GDF3: variants seen among roughly 807,000 people sequenced by gnomAD.
The protein encoded by GDF3 is growth differentiation factor 3.
GDF3 carries 10 observed loss-of-function variants against 10.2 expected under a neutral mutation model. The ratio of observed to expected loss-of-function variants is 0.98; its 90% CI spans 0.60 to 1.66. The LOEUF is 1.66. Among genes scored for constraint, GDF3 ranks in the 40% most tolerant of loss-of-function variants. GDF3 has a pLI of 0.00. For synonymous variants in GDF3, 166 were observed against 178.5 expected (o/e 0.93, Z 0.56); for missense variants, 450 against 438.3 (o/e 1.03, Z -0.24).
intron 1 of GDF3, among the ~76,000 whole-genome samples, chr12:7,693,999 G>A (rs1864157831): frequency 6.6e-6 from 1 of 152,082 alleles, no homozygotes; most frequent in African/African-American, 2.4e-5. Flanking sequence ...AAGAAGAAAA[G>A]CCTGAAGTAC....
In GDF3 at chr12:7,689,841, C is replaced by A. The variant is rs769148436; in HGVS notation, c.*37G>T. The stretch of plus-strand genomic sequence containing the variant: ...ATAGGTAGTTTTATTAAAAGATTTA[C>A]CCTAAGAACACTCCTTCTATTCCCA... On this transcript the variant is annotated 3_prime_UTR_variant, in exon 2 of 2. Transcript: ENST00000329913. 20 of 1,327,586 alleles carry A rather than the reference C, an allele frequency of 1.5e-5. No homozygotes were observed. The Middle Eastern group carries it at 3.0e-3, about 202-fold the overall frequency. The allele number at this position is 1,327,586 out of a possible 1,614,324, so 82.2% of individuals were successfully genotyped here.
At chr12:7,695,313 C>T in intron 1 of GDF3, 148 bp downstream of exon 1, 1 of 822,122 alleles carries the variant, frequency 1.2e-6, no homozygotes, top group Non-Finnish European at 2.0e-6. Flanking sequence ...ATCTAACTTC[C>T]TCTCAGGATC....
chr12:7,694,326 G>A (rs966843441), intron 1 of GDF3, among the ~76,000 whole-genome samples: 1 of 152,100 alleles, frequency 6.6e-6, no homozygotes, highest in African/African-American at 2.4e-5. Flanking sequence ...AGTTTGGGAG[G>A]CTGAGGCAGG....
At chr12:7,690,850 A>G in intron 1 of GDF3, 146 bp from the exon 2 acceptor site, 2 of 636,804 alleles carry the variant, frequency 3.1e-6, no homozygotes, top group Admixed American at 5.6e-5. Flanking sequence ...TTGTTTCTCT[A>G]TTCCTGAAAG....
intron 1 of GDF3, among the ~76,000 whole-genome samples, chr12:7,694,958 A>G (rs1864166617): frequency 6.6e-6 from 1 of 152,138 alleles, no homozygotes; most frequent in South Asian, 2.1e-4. Flanking sequence ...ATTGCTCTCT[A>G]TTCACAAATC....
intron 1 of GDF3, among the ~76,000 whole-genome samples, chr12:7,693,361 C>T (rs1864151105): frequency 1.4e-5 from 2 of 147,588 alleles, no homozygotes; most frequent in African/African-American, 5.0e-5. Context: ...CCCGCCACCA[C>T]ACCTGGCTAA....
chr12:7,690,047 T>G lies in GDF3; in HGVS notation c.926A>C (p.Asn309Thr). The change falls in exon 2 of 2, where the codon AAT becomes ACT. Residue 309 changes from asparagine to threonine, a missense_variant. Coordinates refer to ENST00000329913, the MANE Select transcript of GDF3 (RefSeq NM_020634.3). ...FSLTISLNSS[N>T]YAFMQALMHA... is the part of the protein sequence containing the mutation. Reference sequence around the variant, plus strand: ...CATCAGGGCTTGCATGAAAGCATAATTGGAGCTGTTGAGAGAGATGGTCAG... The same window carrying G: ...CATCAGGGCTTGCATGAAAGCATAAGTGGAGCTGTTGAGAGAGATGGTCAG... The G allele has an allele frequency of 6.2e-7, 1 of 1,614,090 alleles. No homozygotes were observed. The highest frequency in any genetic ancestry group is 8.5e-7 in the Non-Finnish European group (1 of 1,180,012).
Position 7,690,525 on chromosome 12 carries a change from C to T in GDF3, c.448G>A (p.Val150Ile), listed in dbSNP as rs745503994. 6 of 1,611,730 alleles carry T rather than the reference C, an allele frequency of 3.7e-6. No individual in the cohort carries two copies. The Admixed American group carries it at 8.4e-5, about 22-fold the overall frequency. The change falls in exon 2 of 2, where the codon GTT (valine) becomes ATT (isoleucine). Residue 150 changes from valine (V) to isoleucine (I), a missense_variant. Physicochemically the swap from Val to Ile is conservative, Grantham distance 29. Transcript: ENST00000329913. Reference protein sequence around the residue: ...GPELELALFLVQEPHVWGQTT... With the variant: ...GPELELALFLIQEPHVWGQTT... ...TGGCCCCACACATGAGGCTCCTGAACCAGGAACAGAGCCAGTTCCAGCTCT... is the reference window on the plus strand; with the variant it reads ...TGGCCCCACACATGAGGCTCCTGAATCAGGAACAGAGCCAGTTCCAGCTCT...
At chr12:7,694,312 C>G (rs903259763) in intron 1 of GDF3, among the ~76,000 whole-genome samples, 4 of 152,082 alleles carry the variant, frequency 2.6e-5, no homozygotes, top group African/African-American at 9.7e-5. Flanking sequence ...CCTGTAATCC[C>G]AGCAGTTTGG....
intron 1 of GDF3, 36 bp downstream of exon 1, chr12:7,695,425 C>T (rs1864172328): frequency 1.3e-6 from 2 of 1,597,450 alleles, no homozygotes. Context: ...CCACCCAGTT[C>T]CAGATGTTTT....
chr12:7,695,593 G>A lies in GDF3; in HGVS notation c.136C>T (p.Pro46Ser). ...DKAPSPQKFQ[P>S]VPYILKKIFQ... is the part of the protein sequence containing the mutation. Reference sequence around the variant, plus strand: ...ATTTTCTTCAAGATATAAGGCACAGGTTGGAACTTCTGGGGTGAAGGCGCC... The same window carrying A: ...ATTTTCTTCAAGATATAAGGCACAGATTGGAACTTCTGGGGTGAAGGCGCC... The change falls in exon 1 of 2, where the codon CCT becomes TCT. Residue 46 changes from proline to serine, a missense_variant. By Grantham distance (74) the Pro-to-Ser change is moderately conservative. Coordinates refer to ENST00000329913, the MANE Select transcript of GDF3 (RefSeq NM_020634.3). The A allele has an allele frequency of 6.2e-7, 1 of 1,614,134 alleles. No individual in the cohort carries two copies. The highest frequency in any genetic ancestry group is 1.1e-5 in the South Asian group (1 of 91,086).
chr12:7,692,136 A>C (rs1373098882), intron 1 of GDF3, among the ~76,000 whole-genome samples: 3 of 151,690 alleles, frequency 2.0e-5, no homozygotes, highest in Non-Finnish European at 4.4e-5. Context: ...ATTCTGAGAA[A>C]GAGTCAATAG....
At chr12:7,693,802 G>A (rs373050851) in intron 1 of GDF3, among the ~76,000 whole-genome samples, 4 of 151,762 alleles carry the variant, frequency 2.6e-5, no homozygotes, top group South Asian at 4.2e-4. Context: ...TCAGCCTGGC[G>A]TGGTTGCGTG....
rs1207027801 is a variant in GDF3 at position 7,689,995 on chromosome 12, C to G, written c.978G>C (p.Gln326His). Residue 326 changes from glutamine to histidine, a missense_variant, in exon 2 of 2, where the codon CAG becomes CAC. By Grantham distance (24) the Gln-to-His change is conservative. Coordinates refer to ENST00000329913, the MANE Select transcript of GDF3 (RefSeq NM_020634.3). ...LMHAVDPEIP[Q>H]AVCIPTKLSP... is the part of the protein sequence containing the mutation. ...ACAGCTTGGTGGGGATACACACAGC[C>G]TGGGGGATCTCTGGGTCAACGGCAT... 1.9e-6 allele frequency: 3 copies of G among 1,613,678 alleles called. No individual in the cohort carries two copies. Among genetic ancestry groups the G allele is most frequent in the Non-Finnish European group, 2.5e-6 (3 of 1,179,816 alleles).
At chr12:7,690,906 C>T (rs750500228) in intron 1 of GDF3, among the ~76,000 whole-genome samples, 2 of 152,188 alleles carry the variant, frequency 1.3e-5, no homozygotes, top group African/African-American at 4.8e-5. Context: ...AATCCCAGCA[C>T]TTTGGGAGGC....
intron 1 of GDF3, among the ~76,000 whole-genome samples, chr12:7,691,169 G>T (rs1864126571): frequency 6.6e-6 from 1 of 150,426 alleles, no homozygotes; most frequent in Non-Finnish European, 1.5e-5. Flanking sequence ...AAAAAAGAAA[G>T]CCAGAGGTTC....
At chr12:7,690,838 G>A (rs1864121843) in intron 1 of GDF3, 134 bp from the exon 2 acceptor site, 1 of 651,688 alleles carries the variant, frequency 1.5e-6, no homozygotes, top group Non-Finnish European at 2.7e-6. Context: ...ATTTGGGAGG[G>A]TTTGTTTCTC....
At position 7,689,815 on chromosome 12, in the gene GDF3, G is replaced by A. The variant is rs963696193; in HGVS notation, c.*63C>T. The A allele has an allele frequency of 7.4e-6, 8 of 1,082,590 alleles. No individual in the cohort carries two copies. Among genetic ancestry groups the A allele is most frequent in the Non-Finnish European group, 1.1e-5 (8 of 700,198 alleles). 67.1% of individuals were successfully genotyped at this position (1,082,590 alleles called of 1,614,324 possible). ...TTTCGATCTAAGTGGTCATAAACCA[G>A]ATAGGTAGTTTTATTAAAAGATTTA... On this transcript the variant is annotated 3_prime_UTR_variant, in exon 2 of 2. Coordinates refer to ENST00000329913, the MANE Select transcript of GDF3 (RefSeq NM_020634.3).
At chr12:7,692,173 C>G (rs949659149) in intron 1 of GDF3, among the ~76,000 whole-genome samples, 3 of 151,976 alleles carry the variant, frequency 2.0e-5, no homozygotes, top group Admixed American at 6.6e-5. Context: ...GTGGCTCACA[C>G]CAGTGATCCC....
Sources: allele counts gnomAD v4.1 joint callset (sites outside exome capture counted in the v4.1 genomes callset), GRCh38; gene constraint gnomAD v4.1.1; transcripts MANE v1.5; gene names NCBI Gene and HGNC (gene_info 2026-07-23, HGNC 2026-07-21).